Variants in MGAT4C observed in about 807,000 individuals in gnomAD.
MGAT4C encodes the protein MGAT4 family member C.
In MGAT4C, 19 loss-of-function variants were observed where a neutral mutation model predicts 40.1. That is an observed-to-expected ratio of 0.47 (90% CI 0.33 to 0.70). The LOEUF (loss-of-function observed/expected upper bound fraction) is 0.70. Ranked by LOEUF, MGAT4C falls within the 30% of genes least tolerant of loss-of-function variation. MGAT4C has a pLI of 0.02. For synonymous variants in MGAT4C, 181 were observed against 187.1 expected (o/e 0.97, Z 0.27); for missense variants, 491 against 563.2 (o/e 0.87, Z 1.30).
chr12:86,830,462 G>A (rs759739348), intron 1 of MGAT4C, among the ~76,000 whole-genome samples: 19 of 151,664 alleles, frequency 1.3e-4, no homozygotes, highest in African/African-American at 3.6e-4. Flanking sequence ...GTGTACATAT[G>A]TGAAGATTTT....
intron 2 of MGAT4C, among the ~76,000 whole-genome samples, chr12:86,530,531 G>C (rs1339097449): frequency 6.6e-6 from 1 of 151,944 alleles, no homozygotes; most frequent in Non-Finnish European, 1.5e-5. Context: ...AACTCTTGCA[G>C]GTAACTTAGC....
intron 4 of MGAT4C, among the ~76,000 whole-genome samples, chr12:86,299,916 G>A (rs781272898): frequency 2.0e-5 from 3 of 152,110 alleles, no homozygotes; most frequent in Non-Finnish European, 4.4e-5. Flanking sequence ...CTGGAAATAG[G>A]CAAAGAATCT....
At chr12:86,409,958 C>T (rs983868845) in intron 3 of MGAT4C, among the ~76,000 whole-genome samples, 18 of 152,236 alleles carry the variant, frequency 1.2e-4, no homozygotes, top group African/African-American at 4.1e-4. Context: ...TCTGTGATGT[C>T]TGCCTGAGCC....
chr12:86,596,887 C>A (rs921832257), intron 2 of MGAT4C, among the ~76,000 whole-genome samples: 4 of 152,038 alleles, frequency 2.6e-5, no homozygotes. Flanking sequence ...GGCTTAGAGG[C>A]CCCAAAAAAG....
intron 3 of MGAT4C, among the ~76,000 whole-genome samples, chr12:86,434,457 T>C (rs1444975691): frequency 1.3e-5 from 2 of 151,946 alleles, no homozygotes; most frequent in East Asian, 1.9e-4. Context: ...TACACATGTA[T>C]ATGCTCTCAA....
At chr12:86,499,119 T>C (rs1958290859) in intron 2 of MGAT4C, among the ~76,000 whole-genome samples, 2 of 151,888 alleles carry the variant, frequency 1.3e-5, no homozygotes, top group African/African-American at 2.4e-5. Context: ...ATGTAACATA[T>C]AAAAATGCTT....
chr12:85,982,629 T>TATG (rs1884735696), intron 4 of MGAT4C, among the ~76,000 whole-genome samples: 1 of 152,234 alleles, frequency 6.6e-6, no homozygotes, highest in East Asian at 1.9e-4. Context: ...TAAGCTATGG[T>TATG]GTCTTAGAAA....
chr12:86,393,835 C>T (rs1370037926), intron 3 of MGAT4C, among the ~76,000 whole-genome samples: 1 of 152,172 alleles, frequency 6.6e-6, no homozygotes, highest in Non-Finnish European at 1.5e-5. Flanking sequence ...TAGAAATCGG[C>T]ATCATCCAAA....
chr12:86,207,603 A>AT (rs1461485608), intron 1 of MGAT4C, among the ~76,000 whole-genome samples: 16 of 152,272 alleles, frequency 1.1e-4, no homozygotes, highest in African/African-American at 3.6e-4. Flanking sequence ...ATGAACAAGA[A>AT]TAAAAAAAAG....
chr12:86,535,326 T>A (rs993374455), intron 2 of MGAT4C, among the ~76,000 whole-genome samples: 4 of 152,122 alleles, frequency 2.6e-5, no homozygotes, highest in Non-Finnish European at 4.4e-5. Flanking sequence ...ACAATTAAGA[T>A]AAACAGATTA....
chr12:86,118,662 C>T (rs1377367858), intron 1 of MGAT4C, among the ~76,000 whole-genome samples: 1 of 151,954 alleles, frequency 6.6e-6, no homozygotes, highest in South Asian at 2.1e-4. Flanking sequence ...AAACCAAGGG[C>T]TTGTGACATT....
intron 2 of MGAT4C, among the ~76,000 whole-genome samples, chr12:86,463,155 C>G (rs1239659821): frequency 2.0e-5 from 3 of 152,066 alleles, no homozygotes; most frequent in Non-Finnish European, 2.9e-5. Flanking sequence ...GGATGGATAG[C>G]TGAGAATAAA....
intron 4 of MGAT4C, among the ~76,000 whole-genome samples, chr12:86,330,980 G>A (rs564788820): frequency 7.7e-4 from 117 of 152,248 alleles, no homozygotes; most frequent in Middle Eastern, 6.8e-3. Context: ...TAGCAGTGGT[G>A]AATCCATGTG....
chr12:86,458,257 G>T (rs903971350), intron 2 of MGAT4C, among the ~76,000 whole-genome samples: 3 of 152,068 alleles, frequency 2.0e-5, no homozygotes, highest in Admixed American at 6.6e-5. Flanking sequence ...TTTTTATGTT[G>T]TTCTACATCT....
chr12:86,490,738 CA>C lies in MGAT4C; in HGVS notation c.-228-55474del, dbSNP rs1288765265. 3.3e-3 allele frequency among the ~76,000 whole-genome samples: 495 copies of C among 150,776 alleles called. 2 individuals carry two copies. The highest frequency in any genetic ancestry group is 0.011 in the African/African-American group (472 of 41,114). ...GAAGATCTACCAAGAAAATGGAAAA[CA>C]AAAAAAAGGCAGGGTTTGCAATCCT... On this transcript the variant is annotated intron_variant, in intron 2 of 7. Coordinates refer to the MGAT4C transcript ENST00000548651.
intron 1 of MGAT4C, among the ~76,000 whole-genome samples, chr12:86,194,415 T>G (rs1310150517): frequency 6.6e-6 from 1 of 151,976 alleles, no homozygotes; most frequent in African/African-American, 2.4e-5. Context: ...CATAAGGGAT[T>G]CTCTTTTGTT....
intron 1 of MGAT4C, among the ~76,000 whole-genome samples, chr12:86,201,286 T>C (rs1021915329): frequency 1.3e-5 from 2 of 152,042 alleles, no homozygotes; most frequent in Admixed American, 6.6e-5. Flanking sequence ...ACAGCAACTT[T>C]GTTGAAAGCC....
chr12:86,173,715 T>C (rs186003942), intron 1 of MGAT4C, among the ~76,000 whole-genome samples: 16 of 152,240 alleles, frequency 1.1e-4, no homozygotes, highest in African/African-American at 3.1e-4. Context: ...TAAATGTATG[T>C]GTGGGATGTG....
At chr12:86,724,266 C>T (rs890554515) in intron 2 of MGAT4C, among the ~76,000 whole-genome samples, 1 of 152,156 alleles carries the variant, frequency 6.6e-6, no homozygotes, top group African/African-American at 2.4e-5. Context: ...AGGATGCATA[C>T]ACCTATTTAA....
Sources: gnomAD v4.1 joint callset for allele counts (sites outside exome capture counted in the v4.1 genomes callset) on GRCh38, gnomAD v4.1.1 for gene constraint, MANE v1.5 for transcripts, NCBI Gene and HGNC (gene_info 2026-07-23, HGNC 2026-07-21) for gene names.